USP42: variants seen among roughly 807,000 people sequenced by gnomAD.
USP42 encodes the protein ubiquitin specific peptidase 42.
Under a neutral mutation model 113.0 loss-of-function variants are expected in USP42, and 23 were observed. The ratio of observed to expected loss-of-function variants is 0.20; its 90% CI spans 0.15 to 0.29. USP42 has a LOEUF of 0.29. USP42 is among the 10% of genes least tolerant of loss of function. The probability of loss-of-function intolerance (pLI) is 1.00; values close to 1 mark genes in which losing one functional copy is unlikely to be tolerated. For missense variants in USP42, 2,174 were observed against 1,779.8 expected (o/e 1.22, Z -3.99); for synonymous variants, 933 against 699.0 (o/e 1.33, Z -5.28).
the USP42 span, among the ~76,000 whole-genome samples, chr7:6,095,756 T>G: frequency 4.0e-5 from 6 of 151,020 alleles, no homozygotes; most frequent in South Asian, 4.1e-4. Flanking sequence ...TGGCTTCTCC[T>G]TTACTGGATG....
At chr7:6,144,325 T>C (rs1781586702) in intron 9 of USP42, 129 bp downstream of exon 9, 1 of 621,342 alleles carries the variant, frequency 1.6e-6, no homozygotes, top group Non-Finnish European at 2.7e-6. Flanking sequence ...ACATTTGGGC[T>C]TCATTGTCTG....
At chr7:6,100,159 C>T (rs1423474012), upstream of USP42, among the ~76,000 whole-genome samples, 2 of 149,052 alleles carry the variant, frequency 1.3e-5, no homozygotes, top group East Asian at 3.9e-4. Context: ...GGCCCAATTT[C>T]ACAGTTCTAA....
the USP42 span, among the ~76,000 whole-genome samples, chr7:6,097,342 C>G: frequency 1.3e-5 from 2 of 148,362 alleles, no homozygotes; most frequent in Non-Finnish European, 2.9e-5. Flanking sequence ...CCTCCAGTAT[C>G]TGCCATGGAA....
chr7:6,102,936 C>G (rs763217991), upstream of USP42, among the ~76,000 whole-genome samples: 9 of 150,696 alleles, frequency 6.0e-5, no homozygotes, highest in Non-Finnish European at 1.0e-4. Flanking sequence ...AATTGTTGAG[C>G]GAAGAAAGGC....
chr7:6,123,130 A>G (rs898769487), intron 3 of USP42, among the ~76,000 whole-genome samples: 5 of 152,072 alleles, frequency 3.3e-5, no homozygotes, highest in Admixed American at 2.6e-4. Context: ...CTGGCCTGTT[A>G]TGCCCTCTTG....
In USP42 at chr7:6,159,024, A is replaced by C. The variant is rs1374598514; in HGVS notation, c.3944-426A>C. ...TGCAGCTGGCGCTTCTGCTGCGAGC[A>C]GACTGAGGAGCCTTTCTTGTCCTTC... On this transcript the variant is annotated intron_variant, in intron 16 of 17. Coordinates refer to ENST00000306177, the MANE Select transcript of USP42 (RefSeq NM_032172.3). This position sits in a 1 kb window ranked among gnomAD's most constrained non-coding sequence, Gnocchi z 4.1. 6.6e-6 allele frequency among the ~76,000 whole-genome samples: 1 copy of C among 152,172 alleles called. No individual in the cohort carries two copies. The highest frequency in any genetic ancestry group is 2.4e-5 in the African/African-American group (1 of 41,440).
chr7:6,145,612 A>G lies in USP42; in HGVS notation c.1087A>G (p.Thr363Ala). Reference sequence around the variant, plus strand: ...CGTCTTGTATGCAGTGCTGGTCCACACTGGTTTTAATTGCCATGCTGGCCA... The same window carrying G: ...CGTCTTGTATGCAGTGCTGGTCCACGCTGGTTTTAATTGCCATGCTGGCCA... ...VYVLYAVLVHTGFNCHAGHYF... is the reference protein window; with the variant it reads ...VYVLYAVLVHAGFNCHAGHYF... The change falls in exon 10 of 18, where the codon ACT becomes GCT. Residue 363 changes from threonine to alanine, a missense_variant. Transcript: ENST00000306177. The G allele has an allele frequency of 1.2e-6, 2 of 1,613,984 alleles. No individual in the cohort carries two copies. The highest frequency in any genetic ancestry group is 1.7e-6 in the Non-Finnish European group (2 of 1,179,868).
At chr7:6,155,471 T>C (rs1474258140) in intron 15 of USP42, among the ~76,000 whole-genome samples, 1 of 152,264 alleles carries the variant, frequency 6.6e-6, no homozygotes, top group Admixed American at 6.5e-5. Flanking sequence ...TGGTGAATGC[T>C]TTATAACTCT....
At chr7:6,145,783 C>T in intron 10 of USP42, 127 bp downstream of exon 10, 2 of 1,144,242 alleles carry the variant, frequency 1.7e-6, no homozygotes, top group Non-Finnish European at 2.5e-6. Context: ...AAAAATATTT[C>T]TCTTGGCCGG....
Position 6,150,103 on chromosome 7 carries a change from C to T in USP42, c.1907C>T (p.Ser636Phe). Residue 636 changes from serine to phenylalanine, a missense_variant, in exon 13 of 18, where the codon TCT becomes TTT. Transcript: ENST00000306177. ...NGIGTIVSSH[S>F]PGQDAEDEEA... Reference sequence around the variant, plus strand: ...ATTGGTACGATTGTGAGCTCCCACTCTCCCGGCCAAGATGCCGAAGATGAG... The same window carrying T: ...ATTGGTACGATTGTGAGCTCCCACTTTCCCGGCCAAGATGCCGAAGATGAG... 1 of 1,611,648 alleles carries T rather than the reference C, an allele frequency of 6.2e-7. No individual in the cohort carries two copies. The highest frequency in any genetic ancestry group is 8.5e-7 in the Non-Finnish European group (1 of 1,178,812).
the USP42 span, among the ~76,000 whole-genome samples, chr7:6,082,863 G>C: frequency 2.0e-5 from 3 of 149,404 alleles, 1 homozygote; most frequent in African/African-American, 7.5e-5. Flanking sequence ...TACCTGCCTT[G>C]GCCTCCCAAA....
chr7:6,126,444 C>G (rs1051467244), intron 3 of USP42, among the ~76,000 whole-genome samples: 3 of 152,188 alleles, frequency 2.0e-5, no homozygotes, highest in African/African-American at 2.4e-5. Flanking sequence ...ACCACCACGC[C>G]TGGCTAATTT....
In USP42 at chr7:6,154,413, C is replaced by T. The variant is rs1180783483; in HGVS notation, c.2859C>T (p.Tyr953=). The change falls in exon 15 of 18, where the codon TAC becomes TAT. Residue 953 remains tyrosine (Y), a synonymous_variant. Transcript: ENST00000306177. ...GSLRKVDRGH[Y]RSRRERSSSG... ...TCAGAAAGGTGGACCGAGGCCACTA[C>T]CGCAGCCGGAGAGAGCGCTCGTCCA... 4 of 1,576,002 alleles carry T rather than the reference C, an allele frequency of 2.5e-6. No homozygotes were observed. The highest frequency in any genetic ancestry group is 1.4e-5 in the African/African-American group (1 of 73,948).
At chr7:6,148,303 C>G (rs11543636) in intron 12 of USP42, among the ~76,000 whole-genome samples, 1 of 152,064 alleles carries the variant, frequency 6.6e-6, no homozygotes, top group South Asian at 2.1e-4. Flanking sequence ...CACCACTGCA[C>G]TCCAGCCTGG....
In USP42 at chr7:6,149,749, A is replaced by G; in HGVS notation, c.1553A>G (p.Lys518Arg). 6.2e-7 allele frequency: 1 copy of G among 1,613,994 alleles called. No individual in the cohort carries two copies. Among genetic ancestry groups the G allele is most frequent in the Non-Finnish European group, 8.5e-7 (1 of 1,179,886 alleles). ...TCCTCAGTGATCCCAGAACATCCTA[A>G]GAAACAAAAAATTACAATCAGTATT... is the stretch of plus-strand genomic sequence containing the variant. ...NRSSVIPEHP[K>R]KQKITISIHN... The change falls in exon 13 of 18, where the codon AAG becomes AGG. Residue 518 changes from lysine (K) to arginine (R), a missense_variant. Physicochemically the swap from Lys to Arg is conservative, Grantham distance 26 (BLOSUM62 2). Coordinates refer to ENST00000306177, the MANE Select transcript of USP42 (RefSeq NM_032172.3).
At position 6,139,054 on chromosome 7, in the gene USP42, T is replaced by G; in HGVS notation, c.554-38T>G. 7.1e-7 allele frequency: 1 copy of G among 1,402,064 alleles called. No individual in the cohort carries two copies. Among genetic ancestry groups the G allele is most frequent in the Non-Finnish European group, 9.9e-7 (1 of 1,012,410 alleles). The allele number at this position is 1,402,064 out of a possible 1,614,324, so 86.9% of individuals were successfully genotyped here. A position where few individuals can be genotyped will look rare whatever the true frequency, so the allele number is the denominator to read the frequency against. Reference sequence around the variant, plus strand: ...GGGGGTACAACTTAGGCTTATTACGTGTAATGATAAAGCCTTGTCTTTACC... The same window carrying G: ...GGGGGTACAACTTAGGCTTATTACGGGTAATGATAAAGCCTTGTCTTTACC... On this transcript the variant is annotated intron_variant, in intron 4 of 17. Coordinates refer to ENST00000306177, the MANE Select transcript of USP42 (RefSeq NM_032172.3). This position sits in a 1 kb window ranked among gnomAD's most constrained non-coding sequence, Gnocchi z 4.5.
In USP42 at chr7:6,159,992, C is replaced by G. The variant is rs1429113630; in HGVS notation, c.*36+499C>G. Among the ~76,000 whole-genome samples the G allele has an allele frequency of 6.6e-6, 1 of 152,208 alleles. No individual in the cohort carries two copies. Among genetic ancestry groups the G allele is most frequent in the Admixed American group, 6.5e-5 (1 of 15,280 alleles). ...CCGTACAAAACCATAGGAAGGTGGC[C>G]CAGGGCCGGGCGGCAGATCAGGACC... On this transcript the variant is annotated intron_variant, in intron 17 of 17. Transcript: ENST00000306177. This position sits in a 1 kb window ranked among gnomAD's most constrained non-coding sequence, Gnocchi z 4.1.
At chr7:6,113,661 G>T (rs914631244) in intron 2 of USP42, among the ~76,000 whole-genome samples, 2 of 150,788 alleles carry the variant, frequency 1.3e-5, no homozygotes, top group Admixed American at 6.6e-5. Flanking sequence ...TCTCTCTGTC[G>T]CCCAGGCTGG....
At chr7:6,135,784 T>C in intron 3 of USP42, 57 bp from the exon 4 acceptor site, 1 of 1,004,046 alleles carries the variant, frequency 1.0e-6, no homozygotes, top group Non-Finnish European at 1.4e-6. Context: ...TAATTAGCCT[T>C]GATGTGTGTA....
Sources: gnomAD v4.1 joint callset for allele counts (sites outside exome capture counted in the v4.1 genomes callset) on GRCh38, gnomAD v4.1.1 for gene constraint, Gnocchi (gnomAD v3.1) non-coding constraint, MANE v1.5 for transcripts, NCBI Gene and HGNC (gene_info 2026-07-23, HGNC 2026-07-21) for gene names.